Variants in CPAP observed in about 807,000 individuals in gnomAD.
CPAP encodes centrosome assembly and centriole elongation protein.
chr13:24,912,999 C>T, the CPAP span: 24 of 1,614,040 alleles, frequency 1.5e-5, no homozygotes, highest in Non-Finnish European at 2.0e-5. Flanking sequence ...CACTGTTTAA[C>T]TCTGAAGAGG....
chr13:24,899,819 A>G, the CPAP span, among the ~76,000 whole-genome samples: 8 of 152,274 alleles, frequency 5.3e-5, no homozygotes, highest in Admixed American at 2.6e-4. Context: ...AAAAACAAAC[A>G]TTCTAGCTGG....
the CPAP span, chr13:24,912,128 C>T: frequency 1.3e-6 from 2 of 1,513,200 alleles, no homozygotes; most frequent in Non-Finnish European, 1.8e-6. Context: ...ATGGACACCT[C>T]GTTCCCTTAA....
the CPAP span, among the ~76,000 whole-genome samples, chr13:24,925,497 A>C: frequency 6.6e-6 from 1 of 152,170 alleles, no homozygotes; most frequent in African/African-American, 2.4e-5. Flanking sequence ...GTAGCCCTAC[A>C]TACTTGGGAG....
the CPAP span, among the ~76,000 whole-genome samples, chr13:24,932,091 A>G: frequency 6.6e-6 from 1 of 152,172 alleles, no homozygotes; most frequent in East Asian, 1.9e-4. Flanking sequence ...CCAAACTGAT[A>G]AAGCACGCAG....
chr13:24,930,912 T>A, the CPAP span, among the ~76,000 whole-genome samples: 1 of 152,364 alleles, frequency 6.6e-6, no homozygotes, highest in East Asian at 1.9e-4. Flanking sequence ...GTGGTTGAGC[T>A]AATTTACATC....
the CPAP span, among the ~76,000 whole-genome samples, chr13:24,883,725 C>T: frequency 6.6e-6 from 1 of 152,050 alleles, no homozygotes. Context: ...GTTAGTTATT[C>T]CTGGGAAGGG....
the CPAP span, among the ~76,000 whole-genome samples, chr13:24,913,728 T>C: frequency 6.6e-6 from 1 of 152,254 alleles, no homozygotes; most frequent in South Asian, 2.1e-4. Context: ...GATATCTATA[T>C]ATTCACTACT....
At chr13:24,925,433 G>A in the CPAP span, among the ~76,000 whole-genome samples, 3 of 152,276 alleles carry the variant, frequency 2.0e-5, no homozygotes, top group East Asian at 1.9e-4. Flanking sequence ...AGACTGAAGC[G>A]GATAATTTGA....
chr13:24,882,866 A>ACTT, the CPAP span: 11 of 357,262 alleles, frequency 3.1e-5, no homozygotes, highest in Admixed American at 4.2e-5. Context: ...TACTTCCTGT[A>ACTT]CTTCTTGGTT....
the CPAP span, among the ~76,000 whole-genome samples, chr13:24,932,171 C>A: frequency 6.6e-6 from 1 of 152,184 alleles, no homozygotes; most frequent in East Asian, 1.9e-4. Context: ...CCCGGAACAG[C>A]GACCCCCAAA....
the CPAP span, among the ~76,000 whole-genome samples, chr13:24,919,941 T>C: frequency 6.6e-6 from 1 of 151,554 alleles, no homozygotes; most frequent in Admixed American, 6.6e-5. Flanking sequence ...TTTTTTATTT[T>C]TTAATTTTTT....
At chr13:24,930,870 C>A in the CPAP span, among the ~76,000 whole-genome samples, 1 of 152,202 alleles carries the variant, frequency 6.6e-6, no homozygotes, top group Non-Finnish European at 1.5e-5. Context: ...CTGTTTTCAG[C>A]TCTTTGAGAA....
the CPAP span, chr13:24,889,395 T>C: frequency 4.1e-5 from 65 of 1,600,560 alleles, 1 homozygote; most frequent in South Asian, 6.9e-4. Context: ...ATCGAACAGA[T>C]GTGTTCTATA....
chr13:24,911,551 G>T, the CPAP span, among the ~76,000 whole-genome samples: 1 of 151,816 alleles, frequency 6.6e-6, no homozygotes, highest in Non-Finnish European at 1.5e-5. Context: ...ACCTTTTTTG[G>T]GGGGACAGGG....
the CPAP span, among the ~76,000 whole-genome samples, chr13:24,893,818 T>G: frequency 6.6e-6 from 1 of 152,176 alleles, no homozygotes; most frequent in South Asian, 2.1e-4. Flanking sequence ...CAATTAATAT[T>G]TACAAAATAT....
chr13:24,885,546 C>T, the CPAP span: 11 of 1,345,610 alleles, frequency 8.2e-6, no homozygotes, highest in African/African-American at 1.4e-4. Flanking sequence ...AGTCTATTAA[C>T]AAATTGATTT....
chr13:24,923,974 G>A, the CPAP span, among the ~76,000 whole-genome samples: 27 of 152,108 alleles, frequency 1.8e-4, no homozygotes, highest in East Asian at 3.1e-3. Flanking sequence ...GATTACAGGC[G>A]CCCGCCACCA....
At chr13:24,892,611 G>A in the CPAP span, 6 of 1,538,464 alleles carry the variant, frequency 3.9e-6, no homozygotes, top group Admixed American at 5.0e-5. Flanking sequence ...GCTCCCCCTG[G>A]CCTGACACAA....
the CPAP span, chr13:24,906,824 C>T: frequency 6.2e-7 from 1 of 1,614,194 alleles, no homozygotes; most frequent in Non-Finnish European, 8.5e-7. Context: ...CTCGGAAGTG[C>T]TCTGGTTAGT....
Sources: gnomAD v4.1 joint callset for allele counts (sites outside exome capture counted in the v4.1 genomes callset) on GRCh38, gnomAD v4.1.1 for gene constraint, MANE v1.5 for transcripts, NCBI Gene and HGNC (gene_info 2026-07-23, HGNC 2026-07-21) for gene names.